The following SPG7 variants were observed in gnomAD, a reference collection of about 807,000 sequenced individuals.
SPG7 encodes mitochondrial inner membrane m-AAA protease component paraplegin.
In SPG7, 103 loss-of-function variants were observed where a neutral mutation model predicts 81.9. The ratio of observed to expected loss-of-function variants is 1.26; its 90% CI spans 1.07 to 1.48. The LOEUF (loss-of-function observed/expected upper bound fraction) is 1.48, where lower values mean the gene tolerates loss of function less well. Ranked by LOEUF, SPG7 falls within the 40% of genes most tolerant of loss-of-function variation. The pLI is 0.00. For missense variants in SPG7, 1,241 were observed against 1,087.3 expected, an observed-to-expected ratio of 1.14 and a Z score of -1.99; for synonymous variants, 534 against 444.2, an observed-to-expected ratio of 1.20 and a Z score of -2.54.
chr16:89,510,468 ATTG>A lies in SPG7; in HGVS notation c.184-19_184-17del, dbSNP rs1219419202. The A allele has an allele frequency of 7.0e-6, 9 of 1,280,216 alleles. No individual in the cohort carries two copies. The highest frequency in any genetic ancestry group is 1.9e-4 in the Middle Eastern group (1 of 5,302). The allele number at this position is 1,280,216 out of a possible 1,614,324, so 79.3% of individuals were successfully genotyped here. ...CTCTAATGTTGGTGTGACCTCCAGT[ATTG>A]TTTTTTTTTTTTTTTCAGAGCTTAC... is the stretch of plus-strand genomic sequence containing the variant. On this transcript the variant is annotated intron_variant, in intron 1 of 16. Coordinates refer to ENST00000645818, the MANE Select transcript of SPG7 (RefSeq NM_003119.4).
chr16:89,531,494 C>G (rs1306987574), intron 7 of SPG7: 1 of 239,672 alleles, frequency 4.2e-6, no homozygotes. Flanking sequence ...CTGCCTCAGC[C>G]TCCCGAGTAG....
intron 9 of SPG7, 52 bp downstream of exon 9, chr16:89,532,688 C>T (rs1365337762): frequency 2.8e-5 from 45 of 1,605,838 alleles, no homozygotes; most frequent in Non-Finnish European, 3.2e-5. Flanking sequence ...GGAGGTTTTC[C>T]GATGTCTTTC....
rs1242380690 is a variant in SPG7, at chr16:89,508,457, G to C, written c.40G>C (p.Gly14Arg). 2 of 1,504,460 alleles carry C rather than the reference G, an allele frequency of 1.3e-6. No individual in the cohort carries two copies. The highest frequency in any genetic ancestry group is 5.4e-5 in the East Asian group (2 of 36,906). The allele number at this position is 1,504,460 out of a possible 1,614,324, so 93.2% of individuals were successfully genotyped here. ...GCTGCTGCTCCGTGCCCTCCGCCGG[G>C]GTCCAGGCCCGGGTCCTCGGCCGCT... ...LLLLLRALRR[G>R]PGPGPRPLWG... Residue 14 changes from glycine to arginine, a missense_variant, in exon 1 of 17, where the codon GGT becomes CGT. Gly to Arg is a moderately radical substitution (Grantham distance 125, BLOSUM62 -2). Transcript: ENST00000645818.
chr16:89,523,825 A>G lies in SPG7; in HGVS notation c.377-181A>G, dbSNP rs763829896. Reference sequence around the variant, plus strand: ...GCGAATGAAGTGTGGGTGACCTCGAACAGCACAGCGTTAGTCTTTGTCTCT... The same window carrying G: ...GCGAATGAAGTGTGGGTGACCTCGAGCAGCACAGCGTTAGTCTTTGTCTCT... On this transcript the variant is annotated intron_variant, in intron 3 of 16. Coordinates refer to ENST00000645818, the MANE Select transcript of SPG7 (RefSeq NM_003119.4). The G allele has an allele frequency of 1.8e-5, 15 of 835,532 alleles. No homozygotes were observed. The South Asian group carries it at 2.0e-4, about 11-fold the overall frequency. The allele number at this position is 835,532 out of a possible 1,614,324, so 51.8% of individuals were successfully genotyped here.
At position 89,532,498 on chromosome 16, in the gene SPG7, G is replaced by T. The variant is rs2058358241; in HGVS notation, c.1186G>T (p.Glu396Ter). The change falls in exon 9 of 17, where the codon GAA becomes TAA. Residue 396 changes from glutamate (E) to a stop codon, truncating the protein, a stop_gained. Transcript: ENST00000645818. LOFTEE classifies it high-confidence loss of function. ...GAARVRSLFK[E>*]ARARAPCIVY... The stretch of plus-strand genomic sequence containing the variant: ...TGCCCGTGTGCGGAGCCTCTTTAAG[G>T]AAGCCCGAGCCCGGGCCCCCTGCAT... The T allele has an allele frequency of 6.2e-7, 1 of 1,613,600 alleles. No individual in the cohort carries two copies. Among genetic ancestry groups the T allele is most frequent in the East Asian group, 2.2e-5 (1 of 44,888 alleles).
chr16:89,512,301 G>C (rs1295543953), intron 2 of SPG7, among the ~76,000 whole-genome samples: 1 of 151,732 alleles, frequency 6.6e-6, no homozygotes, highest in African/African-American at 2.4e-5. Context: ...TGGCTGGGCT[G>C]CTGCTGTTGC....
intron 3 of SPG7, chr16:89,516,808 T>C (rs1024686302): frequency 6.7e-6 from 1 of 149,012 alleles, no homozygotes; most frequent in African/African-American, 2.5e-5. Context: ...AAGCTTGCAG[T>C]GAGCCGAGAT....
intron 14 of SPG7, 66 bp from the exon 15 acceptor site, chr16:89,553,728 C>T (rs775150581): frequency 1.9e-6 from 3 of 1,540,354 alleles, no homozygotes; most frequent in Non-Finnish European, 2.7e-6. Flanking sequence ...ACCGGGACAC[C>T]TGGGGCCCAG....
At chr16:89,533,466 C>T (rs1351593812) in intron 9 of SPG7, 1 of 151,432 alleles carries the variant, frequency 6.6e-6, no homozygotes, top group Non-Finnish European at 1.5e-5. Context: ...AGCACCCAGG[C>T]TTTTTTTTTC....
intron 11 of SPG7, 96 bp downstream of exon 11, chr16:89,546,856 C>T (rs1443543671): frequency 5.5e-5 from 45 of 823,154 alleles, no homozygotes; most frequent in Admixed American, 1.3e-4. Context: ...GTGGGGTGGG[C>T]GCTGCTCCTT....
chr16:89,550,392 C>G, intron 12 of SPG7, 102 bp from the exon 13 acceptor site: 1 of 818,034 alleles, frequency 1.2e-6, no homozygotes, highest in Non-Finnish European at 2.1e-6. Flanking sequence ...GGGCTGGTCT[C>G]GAACTCCTGT....
rs199789849 is a variant in SPG7, at chr16:89,531,964, C to A, written c.1048C>A (p.Pro350Thr). The change falls in exon 8 of 17, where the codon CCC (proline) becomes ACC (threonine). Residue 350 changes from proline to threonine, a missense_variant. Pro to Thr is a conservative substitution (Grantham distance 38, BLOSUM62 -1). Coordinates refer to ENST00000645818, the MANE Select transcript of SPG7 (RefSeq NM_003119.4). ...KVPKGALLLG[P>T]PGCGKTLLAK... ...CCCAAAGGGCGCACTGCTGCTCGGC[C>A]CCCCCGGCTGTGGGAAGACGCTGCT... 1.8e-4 allele frequency: 290 copies of A among 1,613,804 alleles called. No homozygotes were observed. Among genetic ancestry groups the A allele is most frequent in the Admixed American group, 2.7e-4 (16 of 60,006 alleles).
At position 89,551,170 on chromosome 16, in the gene SPG7, C is replaced by T. The variant is rs1161000441; in HGVS notation, c.1779+561C>T. 3.3e-5 allele frequency: 6 copies of T among 183,720 alleles called. 1 individual carries two copies. In the South Asian group the frequency reaches 7.2e-4, roughly 22 times the overall value. The allele number at this position is 183,720 out of a possible 1,614,324, so 11.4% of individuals were successfully genotyped here. ...CAGCTTCTCTAAGACGTGGCTCCAC[C>T]ACCGGGAGTCCGAGTGCTGCCAAGA... On this transcript the variant is annotated intron_variant, in intron 13 of 16. Transcript: ENST00000645818.
At chr16:89,554,807 A>G (rs1223214676) in intron 16 of SPG7, 9 of 505,538 alleles carry the variant, frequency 1.8e-5, no homozygotes, top group African/African-American at 5.7e-5. Context: ...TCTTCCTGCC[A>G]TTAGCAATTA....
At chr16:89,531,614 C>T (rs781101649) in intron 7 of SPG7, 13 of 434,260 alleles carry the variant, frequency 3.0e-5, no homozygotes, top group African/African-American at 1.0e-4. Context: ...TCTCAAGCTA[C>T]GCGCCTGCCT....
At position 89,553,077 on chromosome 16, in the gene SPG7, G is replaced by A. The variant is rs774090382; in HGVS notation, c.1878G>A (p.Met626Ile). 1.2e-6 allele frequency: 2 copies of A among 1,613,778 alleles called. No homozygotes were observed. Among genetic ancestry groups the A allele is most frequent in the South Asian group, 1.1e-5 (1 of 91,018 alleles). Residue 626 changes from methionine to isoleucine, a missense_variant, in exon 14 of 17, where the codon ATG becomes ATA. Transcript: ENST00000645818. ...LFTKEQLFER[M>I]CMALGGRASE... Reference sequence around the variant, plus strand: ...CCAAGGAGCAGCTGTTTGAGCGGATGTGCATGGCCCTGGGAGGACGGGCCT... The same window carrying A: ...CCAAGGAGCAGCTGTTTGAGCGGATATGCATGGCCCTGGGAGGACGGGCCT...
In SPG7 at chr16:89,524,012, GGA is replaced by G; in HGVS notation, c.386_387del (p.Arg129ThrfsTer3). The G allele has an allele frequency of 6.2e-7, 1 of 1,612,638 alleles. No homozygotes were observed. Among genetic ancestry groups the G allele is most frequent in the Non-Finnish European group, 8.5e-7 (1 of 1,180,014 alleles). On this transcript the variant is annotated frameshift_variant, in exon 4 of 17. Transcript: ENST00000645818. LOFTEE classifies it high-confidence loss of function. The stretch of plus-strand genomic sequence containing the variant: ...TGCTTCTCTGCCGGCTCAGAGGAGA[GGA>G]GACGCCGTGAGCGGGACGACCAGAT...
At chr16:89,539,753 T>G (rs919082976) in intron 9 of SPG7, 33 of 151,990 alleles carry the variant, frequency 2.2e-4, no homozygotes, top group African/African-American at 1.9e-4. Context: ...AGAATTTTTT[T>G]TGTGTAGTTG....
Position 89,508,550 on chromosome 16 carries a change from G to A in SPG7, c.133G>A (p.Ala45Thr). ...ARPGRGRPYM[A>T]SRPPGDLAEA... ...GCCCGGGAGGGGGCGGCCGTACATG[G>A]CCAGCAGGCCTCCGGGGGACCTCGC... Residue 45 changes from alanine to threonine, a missense_variant, in exon 1 of 17, where the codon GCC becomes ACC. Ala to Thr is a moderately conservative substitution (Grantham distance 58). Transcript: ENST00000645818. The A allele has an allele frequency of 6.6e-7, 1 of 1,506,916 alleles. No individual in the cohort carries two copies. Among genetic ancestry groups the A allele is most frequent in the Non-Finnish European group, 8.8e-7 (1 of 1,133,068 alleles). The allele number at this position is 1,506,916 out of a possible 1,614,324, so 93.3% of individuals were successfully genotyped here. A position where few individuals can be genotyped will look rare whatever the true frequency, so the allele number is the denominator to read the frequency against.
Sources: allele counts gnomAD v4.1 joint callset (sites outside exome capture counted in the v4.1 genomes callset), GRCh38; gene constraint gnomAD v4.1.1; transcripts MANE v1.5; gene names NCBI Gene and HGNC (gene_info 2026-07-23, HGNC 2026-07-21).